Variants in ATF3 observed in about 807,000 individuals in gnomAD.
The protein encoded by ATF3 is activating transcription factor 3.
Under a neutral mutation model 18.4 loss-of-function variants are expected in ATF3, and 10 were observed. The observed-to-expected ratio is 0.54, with a 90% CI of 0.34 to 0.92. The LOEUF is 0.92. ATF3 is among the 40% of genes least tolerant of loss of function. The probability of loss-of-function intolerance (pLI) is 0.02; values close to 1 mark genes in which losing one functional copy is unlikely to be tolerated. For missense variants in ATF3, 183 were observed against 222.3 expected (o/e 0.82, Z 1.12); for synonymous variants, 78 against 87.9 (o/e 0.89, Z 0.63).
In ATF3 at chr1:212,619,539, G is replaced by A. The variant is rs2102667996; in HGVS notation, c.530G>A (p.Gly177Glu). 8 of 1,614,140 alleles carry A rather than the reference G, an allele frequency of 5.0e-6. No homozygotes were observed. The highest frequency in any genetic ancestry group is 6.8e-6 in the Non-Finnish European group (8 of 1,180,000). Reference protein sequence around the residue: ...RNLFIQQIKEGTLQS With the variant: ...RNLFIQQIKEETLQS ...CTCTTTATCCAACAGATAAAAGAAG[G>A]AACATTGCAGAGCTAAGCAGTCGTG... Residue 177 changes from glycine (G) to glutamate (E), a missense_variant, in exon 4 of 4, where the codon GGA (glycine) becomes GAA (glutamate). Transcript: ENST00000341491. The surrounding 1 kb of genome is among the most constrained non-coding windows in gnomAD (Gnocchi z 4.4).
At chr1:212,588,639 A>AACAACC (rs55875245) in intron 1 of ATF3, among the ~76,000 whole-genome samples, 92,338 of 151,874 alleles carry the variant, frequency 0.61, 28,506 homozygotes, top group Middle Eastern at 0.73. Context: ...CAACAACCAC[A>AACAACC]ACAACAAAAA....
chr1:212,585,892 G>A (rs1664771159), intron 1 of ATF3, among the ~76,000 whole-genome samples: 1 of 152,110 alleles, frequency 6.6e-6, no homozygotes, highest in Non-Finnish European at 1.5e-5. Context: ...TGTCCACAGT[G>A]GCTTTGTTGA....
chr1:212,617,018 G>A (rs1359112112), intron 2 of ATF3, among the ~76,000 whole-genome samples: 2 of 152,104 alleles, frequency 1.3e-5, no homozygotes, highest in Non-Finnish European at 2.9e-5. Flanking sequence ...GGACAGTCTG[G>A]GCTAGAGATA....
intron 1 of ATF3, among the ~76,000 whole-genome samples, chr1:212,580,472 A>G (rs1370675850): frequency 6.6e-6 from 1 of 151,988 alleles, no homozygotes; most frequent in Admixed American, 6.6e-5. Context: ...ATACCACCAC[A>G]CCAGGCTAAT....
intron 1 of ATF3, among the ~76,000 whole-genome samples, chr1:212,580,626 A>G (rs772822992): frequency 3.3e-5 from 5 of 152,180 alleles, no homozygotes; most frequent in African/African-American, 7.2e-5. Flanking sequence ...TATGTAATAT[A>G]TGATAGTCAT....
intron 2 of ATF3, among the ~76,000 whole-genome samples, chr1:212,617,546 G>T (rs865819537): frequency 1.3e-5 from 2 of 152,202 alleles, no homozygotes; most frequent in African/African-American, 4.8e-5. Flanking sequence ...AGCATGGGCC[G>T]ATTAATGCCG....
chr1:212,605,931 C>T (rs890001252), upstream of ATF3, among the ~76,000 whole-genome samples: 3 of 152,212 alleles, frequency 2.0e-5, no homozygotes, highest in Non-Finnish European at 4.4e-5. Flanking sequence ...CCAGGGCTTC[C>T]TTCTAAGGCG....
intron 1 of ATF3, chr1:212,613,584 C>G (rs1184443797): frequency 6.6e-6 from 1 of 152,178 alleles, no homozygotes; most frequent in Non-Finnish European, 1.5e-5. Flanking sequence ...GATAGTGCCC[C>G]TAAGGTTTCT....
chr1:212,595,314 TG>T (rs1664969098), intron 1 of ATF3, among the ~76,000 whole-genome samples: 1 of 151,086 alleles, frequency 6.6e-6, no homozygotes, highest in African/African-American at 2.5e-5. Flanking sequence ...CCACCCAGCT[TG>T]ATATAGAGCC....
intron 1 of ATF3, among the ~76,000 whole-genome samples, chr1:212,612,294 G>A (rs1240553693): frequency 6.6e-6 from 1 of 152,152 alleles, no homozygotes; most frequent in Admixed American, 6.5e-5. Flanking sequence ...TAAGAAGAAG[G>A]GTAGGGGGCG....
upstream of ATF3, among the ~76,000 whole-genome samples, chr1:212,605,018 T>C (rs1235508294): frequency 6.6e-6 from 1 of 152,150 alleles, no homozygotes; most frequent in East Asian, 1.9e-4. Flanking sequence ...CATCCACTAT[T>C]TTCCACTGAC....
At chr1:212,589,585 G>A (rs771779920) in intron 1 of ATF3, among the ~76,000 whole-genome samples, 1 of 152,014 alleles carries the variant, frequency 6.6e-6, no homozygotes, top group Admixed American at 6.6e-5. Context: ...GGGAGGCTGA[G>A]GCAGGAGAAT....
At chr1:212,573,151 A>C (rs1419311375) in intron 1 of ATF3, among the ~76,000 whole-genome samples, 1 of 152,158 alleles carries the variant, frequency 6.6e-6, no homozygotes, top group African/African-American at 2.4e-5. Context: ...CTTTCAGGTC[A>C]AAATTTAGTA....
chr1:212,569,972 T>A (rs937919324), intron 1 of ATF3, among the ~76,000 whole-genome samples: 1 of 152,204 alleles, frequency 6.6e-6, no homozygotes, highest in African/African-American at 2.4e-5. Context: ...TTAATTTCTA[T>A]AGACACAAAG....
At chr1:212,571,085 A>G (rs943422823) in intron 1 of ATF3, among the ~76,000 whole-genome samples, 5 of 152,208 alleles carry the variant, frequency 3.3e-5, no homozygotes, top group African/African-American at 7.2e-5. Flanking sequence ...CCCACCAACA[A>G]TGCATGAGAA....
chr1:212,577,188 C>T (rs1664597707), intron 1 of ATF3, among the ~76,000 whole-genome samples: 1 of 152,150 alleles, frequency 6.6e-6, no homozygotes, highest in Non-Finnish European at 1.5e-5. Context: ...CCCTTATTAT[C>T]TCCTAGAATC....
chr1:212,586,585 A>G (rs575783749), intron 1 of ATF3, among the ~76,000 whole-genome samples: 2 of 152,290 alleles, frequency 1.3e-5, no homozygotes, highest in Admixed American at 1.3e-4. Context: ...AACTTTGGAG[A>G]AAGTGCCAAA....
intron 1 of ATF3, among the ~76,000 whole-genome samples, chr1:212,577,852 T>C (rs1313393788): frequency 1.3e-5 from 2 of 152,246 alleles, no homozygotes; most frequent in African/African-American, 4.8e-5. Context: ...GTTGATTCCA[T>C]ATCTTGGCTA....
At chr1:212,599,479 G>A (rs1031160562) in intron 1 of ATF3, among the ~76,000 whole-genome samples, 29 of 152,092 alleles carry the variant, frequency 1.9e-4, no homozygotes, top group Non-Finnish European at 3.8e-4. Context: ...CATGGTACTT[G>A]GTAATTATCC....
Sources: allele counts gnomAD v4.1 joint callset (sites outside exome capture counted in the v4.1 genomes callset), GRCh38; gene constraint gnomAD v4.1.1; non-coding constraint Gnocchi (gnomAD v3.1); transcripts MANE v1.5; gene names NCBI Gene and HGNC (gene_info 2026-07-23, HGNC 2026-07-21).